The following POU6F2 variants were observed in gnomAD, a reference collection of about 807,000 sequenced individuals.
POU6F2 encodes POU domain, class 6, transcription factor 2.
A neutral mutation model predicts 71.3 loss-of-function variants in POU6F2; 31 were observed. That is an observed-to-expected ratio of 0.43 (90% confidence interval 0.33 to 0.59). The LOEUF (loss-of-function observed/expected upper bound fraction) is 0.59. Among genes scored for constraint, POU6F2 ranks in the 20% least tolerant of loss-of-function variants. POU6F2 has a pLI of 0.04. For missense variants in POU6F2, 783 were observed against 856.8 expected (o/e 0.91, Z 1.07); for synonymous variants, 347 against 355.7 (o/e 0.98, Z 0.27).
rs144918096 is a variant in POU6F2, at chr7:39,148,927, G to C, written c.278-55308G>C. 2.8e-3 allele frequency among the ~76,000 whole-genome samples: 434 copies of C among 152,326 alleles called. 1 individual carries two copies. The highest frequency in any genetic ancestry group is 9.9e-3 in the African/African-American group (412 of 41,576). Reference sequence around the variant, plus strand: ...GTAAAAATTTTGTCAGTAAAGTGTGGAAGGACGGGGAGTTTCCTGGGAAGG... The same window carrying C: ...GTAAAAATTTTGTCAGTAAAGTGTGCAAGGACGGGGAGTTTCCTGGGAAGG... On this transcript the variant is annotated intron_variant, in intron 2 of 9. Coordinates refer to ENST00000518318, the MANE Select transcript of POU6F2 (RefSeq NM_001370959.1).
At chr7:39,186,832 C>T (rs545420187) in intron 2 of POU6F2, among the ~76,000 whole-genome samples, 3 of 152,156 alleles carry the variant, frequency 2.0e-5, no homozygotes, top group Non-Finnish European at 2.9e-5. Context: ...TCCTGACACA[C>T]CTGTGGGCTC....
intron 3 of POU6F2, among the ~76,000 whole-genome samples, chr7:39,205,170 G>C (rs1163034772): frequency 6.6e-6 from 1 of 152,036 alleles, no homozygotes; most frequent in South Asian, 2.1e-4. Flanking sequence ...ATCACTCTGT[G>C]CCTGTGGACA....
intron 5 of POU6F2, among the ~76,000 whole-genome samples, chr7:39,356,882 G>C (rs1308591948): frequency 1.3e-5 from 2 of 152,148 alleles, no homozygotes; most frequent in Non-Finnish European, 2.9e-5. Flanking sequence ...GGAAATGGGG[G>C]CTTGATTTAA....
chr7:39,398,288 T>C (rs1346953309), intron 5 of POU6F2, among the ~76,000 whole-genome samples: 2 of 151,492 alleles, frequency 1.3e-5, no homozygotes, highest in African/African-American at 4.9e-5. Flanking sequence ...GTGAATAATA[T>C]AATATCAGAC....
chr7:39,259,741 T>G (rs951072756), intron 4 of POU6F2, among the ~76,000 whole-genome samples: 1 of 152,072 alleles, frequency 6.6e-6, no homozygotes, highest in Admixed American at 6.5e-5. Context: ...TCTGCTGGCC[T>G]CCTCGTCCTC....
At chr7:39,399,142 CT>C (rs769936160) in intron 5 of POU6F2, among the ~76,000 whole-genome samples, 2 of 152,202 alleles carry the variant, frequency 1.3e-5, no homozygotes, top group Non-Finnish European at 2.9e-5. Flanking sequence ...CCACTGACCC[CT>C]AACCCCAGAT....
At chr7:39,234,094 C>G (rs769838531) in intron 4 of POU6F2, among the ~76,000 whole-genome samples, 1 of 152,140 alleles carries the variant, frequency 6.6e-6, no homozygotes, top group Admixed American at 6.5e-5. Flanking sequence ...ATTTTGTAGA[C>G]AATCAGCCCA....
At chr7:39,443,484 C>T (rs956250582) in intron 7 of POU6F2, among the ~76,000 whole-genome samples, 2 of 152,214 alleles carry the variant, frequency 1.3e-5, no homozygotes, top group Non-Finnish European at 2.9e-5. Context: ...GTCCTAGTCC[C>T]AGGAATATCC....
chr7:39,442,096 T>C (rs997379367), intron 7 of POU6F2, among the ~76,000 whole-genome samples: 6 of 152,182 alleles, frequency 3.9e-5, no homozygotes, highest in African/African-American at 1.4e-4. Flanking sequence ...TCTCAGAGAC[T>C]ATGCTTGGAA....
chr7:39,309,302 T>C (rs752508120), intron 4 of POU6F2, among the ~76,000 whole-genome samples: 2 of 152,224 alleles, frequency 1.3e-5, no homozygotes, highest in Non-Finnish European at 2.9e-5. Context: ...ATTGTCACGC[T>C]GGGTAGACTG....
intron 4 of POU6F2, among the ~76,000 whole-genome samples, chr7:39,246,686 C>T (rs921157676): frequency 6.6e-6 from 1 of 152,070 alleles, no homozygotes. Context: ...CAGCTATAAC[C>T]ACCATCCTCA....
chr7:39,382,777 T>C (rs1018624867), intron 5 of POU6F2, among the ~76,000 whole-genome samples: 1 of 152,150 alleles, frequency 6.6e-6, no homozygotes, highest in Non-Finnish European at 1.5e-5. Flanking sequence ...AAAGCTTGAA[T>C]GTACTGTTTA....
intron 5 of POU6F2, among the ~76,000 whole-genome samples, chr7:39,381,978 C>T (rs1017092756): frequency 6.6e-6 from 1 of 151,968 alleles, no homozygotes; most frequent in East Asian, 1.9e-4. Flanking sequence ...TAACAACTCC[C>T]CTGTTAGAAA....
chr7:39,051,843 T>A (rs1336343092), intron 1 of POU6F2, among the ~76,000 whole-genome samples: 3 of 152,256 alleles, frequency 2.0e-5, no homozygotes, highest in East Asian at 3.9e-4. Context: ...TCCATGAGTG[T>A]TTATTTTTCT....
chr7:39,158,407 C>A (rs1792917782), intron 2 of POU6F2, among the ~76,000 whole-genome samples: 1 of 152,008 alleles, frequency 6.6e-6, no homozygotes, highest in Admixed American at 6.6e-5. Flanking sequence ...AGGGACATAA[C>A]CAATAGGATA....
At position 39,102,472 on chromosome 7, in the gene POU6F2, T is replaced by C. The variant is rs536605847; in HGVS notation, c.277+16441T>C. 2.4e-4 allele frequency among the ~76,000 whole-genome samples: 37 copies of C among 152,296 alleles called. No homozygotes were observed. The South Asian group carries it at 7.5e-3, about 31-fold the overall frequency. On this transcript the variant is annotated intron_variant, in intron 2 of 9. Transcript: ENST00000518318. ...GAGGACAGACAATAGATCTTGCATA[T>C]ATTAAGTGCCAGATAAATGTTTTTT...
intron 1 of POU6F2, among the ~76,000 whole-genome samples, chr7:39,056,678 A>G (rs2392617): frequency 0.25 from 35,174 of 142,008 alleles, 4,542 homozygotes; most frequent in African/African-American, 0.34. Flanking sequence ...GTGTGTGTGT[A>G]TGTGTGTGTG....
At chr7:39,257,574 A>G (rs186561431) in intron 4 of POU6F2, among the ~76,000 whole-genome samples, 12 of 152,260 alleles carry the variant, frequency 7.9e-5, no homozygotes, top group Admixed American at 6.5e-4. Context: ...TGTCAAAGGC[A>G]CAAACTCGTG....
At chr7:39,107,899 T>A (rs1288873845) in intron 2 of POU6F2, among the ~76,000 whole-genome samples, 1 of 152,094 alleles carries the variant, frequency 6.6e-6, no homozygotes, top group Non-Finnish European at 1.5e-5. Context: ...AATTTTATTC[T>A]CTCTCCCCTT....
Sources: gnomAD v4.1 joint callset for allele counts (sites outside exome capture counted in the v4.1 genomes callset) on GRCh38, gnomAD v4.1.1 for gene constraint, MANE v1.5 for transcripts, NCBI Gene and HGNC (gene_info 2026-07-23, HGNC 2026-07-21) for gene names.